The following IMMP2L variants were observed in gnomAD, a reference collection of about 807,000 sequenced individuals.
IMMP2L encodes mitochondrial inner membrane protease subunit 2.
IMMP2L carries 18 observed loss-of-function variants against 19.3 expected under a neutral mutation model. The ratio of observed to expected loss-of-function variants is 0.93; its 90% CI spans 0.64 to 1.38. IMMP2L has a LOEUF of 1.38. IMMP2L is among the 40% of genes most tolerant of loss of function. The pLI is 0.00. For synonymous variants in IMMP2L, 76 were observed against 73.0 expected (o/e 1.04, Z -0.21); for missense variants, 233 against 218.2 (o/e 1.07, Z -0.43).
rs941838727 is a variant in IMMP2L at position 111,416,405 on chromosome 7, T to C, written c.239+70833A>G. ...ATTCAGGAATTACTGTCAAATGCCA[T>C]GTCATAGCATGACAGAGATTTAGCC... On this transcript the variant is annotated intron_variant, in intron 3 of 5. Transcript: ENST00000405709. 5.9e-5 allele frequency among the ~76,000 whole-genome samples: 9 copies of C among 152,008 alleles called. 1 individual carries two copies. Among genetic ancestry groups the C allele is most frequent in the African/African-American group, 1.7e-4 (7 of 41,302 alleles).
At chr7:111,558,728 T>C (rs1443021704) in intron 1 of IMMP2L, among the ~76,000 whole-genome samples, 3 of 152,140 alleles carry the variant, frequency 2.0e-5, no homozygotes, top group Non-Finnish European at 2.9e-5. Context: ...CACTAATATA[T>C]AATAAGCACA....
intron 3 of IMMP2L, among the ~76,000 whole-genome samples, chr7:111,365,456 G>A (rs1240491973): frequency 6.6e-6 from 1 of 152,084 alleles, no homozygotes; most frequent in Non-Finnish European, 1.5e-5. Context: ...CAACATGGCA[G>A]CCAGTCCTGA....
chr7:111,349,977 T>A (rs971852682), intron 3 of IMMP2L, among the ~76,000 whole-genome samples: 2 of 152,020 alleles, frequency 1.3e-5, no homozygotes, highest in East Asian at 3.9e-4. Flanking sequence ...GTCCTTTTTT[T>A]TTTTTTTGAG....
At chr7:111,397,087 CAA>C (rs551171894) in intron 3 of IMMP2L, among the ~76,000 whole-genome samples, 1 of 135,764 alleles carries the variant, frequency 7.4e-6, no homozygotes. Context: ...GACTCTATCT[CAA>C]AAAAAAAAAG....
At chr7:110,962,233 G>A (rs1819024691) in intron 4 of IMMP2L, 1 of 151,802 alleles carries the variant, frequency 6.6e-6, no homozygotes, top group Admixed American at 6.6e-5. Flanking sequence ...CAAAATAATT[G>A]AGGATCTCAA....
At chr7:111,205,360 C>G (rs1172806101) in intron 3 of IMMP2L, among the ~76,000 whole-genome samples, 2 of 152,084 alleles carry the variant, frequency 1.3e-5, no homozygotes, top group Non-Finnish European at 2.9e-5. Flanking sequence ...AAGTGAAGCC[C>G]TTCACAGTGT....
chr7:111,391,604 G>T (rs1252682203), intron 3 of IMMP2L, among the ~76,000 whole-genome samples: 1 of 152,114 alleles, frequency 6.6e-6, no homozygotes. Flanking sequence ...CACTCAGATT[G>T]CTTTGTAAGT....
intron 3 of IMMP2L, among the ~76,000 whole-genome samples, chr7:111,068,911 T>A (rs552654867): frequency 6.6e-6 from 1 of 152,306 alleles, no homozygotes; most frequent in African/African-American, 2.4e-5. Flanking sequence ...TCAGGGATGA[T>A]AGCCAATACA....
At chr7:111,270,045 A>G (rs1818278167) in intron 3 of IMMP2L, among the ~76,000 whole-genome samples, 1 of 143,548 alleles carries the variant, frequency 7.0e-6, no homozygotes, top group Admixed American at 7.0e-5. Flanking sequence ...GTGTGTGTGC[A>G]TGCATGTGTG....
At chr7:110,793,695 T>C (rs536892236) in intron 5 of IMMP2L, among the ~76,000 whole-genome samples, 2 of 152,194 alleles carry the variant, frequency 1.3e-5, no homozygotes, top group South Asian at 2.1e-4. Flanking sequence ...AATCCAGTGC[T>C]GTATACTGGA....
rs1554542267 is a variant in IMMP2L at position 111,538,633 on chromosome 7, T to TAC, written c.-2-17185_-2-17184insGT. ...GAGCAGCATAGGAAGACCCTGTCTC[T>TAC]AAAAAAAAAAAAAAAAAAAAAATTA... is the stretch of plus-strand genomic sequence containing the variant. On this transcript the variant is annotated intron_variant, in intron 1 of 5. Transcript: ENST00000405709. Among the ~76,000 whole-genome samples, 202 of 97,194 alleles carry TAC rather than the reference T, an allele frequency of 2.1e-3. 3 individuals are homozygous for TAC. Among genetic ancestry groups the TAC allele is most frequent in the African/African-American group, 8.0e-3 (191 of 23,914 alleles). 63.8% of individuals were successfully genotyped at this position (97,194 alleles called of 152,430 possible).
intron 5 of IMMP2L, among the ~76,000 whole-genome samples, chr7:110,845,626 C>A (rs951787032): frequency 1.3e-5 from 2 of 152,080 alleles, no homozygotes; most frequent in African/African-American, 2.4e-5. Context: ...ATCATAGGTA[C>A]TCTTTATTAT....
intron 3 of IMMP2L, among the ~76,000 whole-genome samples, chr7:111,281,212 AAGAAAAAGAAAG>A (rs1231203778): frequency 1.1e-4 from 6 of 53,058 alleles, no homozygotes; most frequent in Non-Finnish European, 1.5e-4. Flanking sequence ...GAAAGAAAGA[AAGAAAAAGAAAG>A]AAAGAAAGAA....
intron 3 of IMMP2L, among the ~76,000 whole-genome samples, chr7:111,444,765 A>G (rs1397478117): frequency 6.6e-6 from 1 of 152,142 alleles, no homozygotes; most frequent in Admixed American, 6.5e-5. Context: ...AAGAAGTAAG[A>G]GAGCAAAAAT....
chr7:110,796,922 A>T (rs965887882), intron 5 of IMMP2L, among the ~76,000 whole-genome samples: 2 of 152,054 alleles, frequency 1.3e-5, no homozygotes, highest in African/African-American at 4.8e-5. Flanking sequence ...TTTATTGCTT[A>T]TTGCGACCTC....
intron 3 of IMMP2L, among the ~76,000 whole-genome samples, chr7:111,077,204 T>G (rs1586117489): frequency 6.6e-6 from 1 of 152,264 alleles, no homozygotes; most frequent in African/African-American, 2.4e-5. Context: ...AATCTGAATC[T>G]CCCTTCAGGG....
chr7:110,927,346 C>T (rs1197391130), intron 4 of IMMP2L, among the ~76,000 whole-genome samples: 1 of 152,070 alleles, frequency 6.6e-6, no homozygotes, highest in African/African-American at 2.4e-5. Flanking sequence ...ATAATGGCTC[C>T]CCAAAGCTGT....
rs552399124 is a variant in IMMP2L, at chr7:111,181,753, C to T, written c.240-218188G>A. ...GCCACAAACAATAACAAAAAGTTGA[C>T]CGTAACTATTTTCAACGGCATGATA... On this transcript the variant is annotated intron_variant, in intron 3 of 5. Transcript: ENST00000405709. Among the ~76,000 whole-genome samples, 266 of 152,012 alleles carry T rather than the reference C, an allele frequency of 1.7e-3. 2 individuals carry two copies. The highest frequency in any genetic ancestry group is 6.3e-3 in the African/African-American group (261 of 41,486).
chr7:111,154,682 G>A (rs904307490), intron 3 of IMMP2L, among the ~76,000 whole-genome samples: 2 of 152,126 alleles, frequency 1.3e-5, no homozygotes, highest in African/African-American at 4.8e-5. Context: ...ATAACAGTTC[G>A]AGTTTACATT....
Sources: gnomAD v4.1 joint callset for allele counts (sites outside exome capture counted in the v4.1 genomes callset) on GRCh38, gnomAD v4.1.1 for gene constraint, MANE v1.5 for transcripts, NCBI Gene and HGNC (gene_info 2026-07-23, HGNC 2026-07-21) for gene names.